The following CFAP44 variants were observed in gnomAD, a reference collection of about 807,000 sequenced individuals.
CFAP44 encodes cilia and flagella associated protein 44, also known as cilia- and flagella-associated protein 44.
CFAP44 carries 134 observed loss-of-function variants against 216.2 expected under a neutral mutation model. The ratio of observed to expected loss-of-function variants is 0.62; its 90% CI spans 0.54 to 0.72. The LOEUF (loss-of-function observed/expected upper bound fraction) is 0.72, where lower values mean the gene tolerates loss of function less well. Among genes scored for constraint, CFAP44 ranks in the 30% least tolerant of loss-of-function variants. CFAP44 has a pLI of 0.00. For synonymous variants in CFAP44, 700 were observed against 727.6 expected, an observed-to-expected ratio of 0.96 and a Z score of 0.61; for missense variants, 2,035 against 2,182.1, an observed-to-expected ratio of 0.93 and a Z score of 1.34.
Position 113,401,749 on chromosome 3 carries a change from TGAAAA to T in CFAP44, c.1171-15_1171-11del, listed in dbSNP as rs750160528. 1.1e-5 allele frequency: 17 copies of T among 1,590,660 alleles called. No homozygotes were observed. The highest frequency in any genetic ancestry group is 1.7e-4 in the Middle Eastern group (1 of 5,932). On this transcript the variant is annotated splice_polypyrimidine_tract_variant and intron_variant, in intron 9 of 34. Coordinates refer to ENST00000393845, the MANE Select transcript of CFAP44 (RefSeq NM_001164496.2). ...TCTCAAAATCCCATATCTTGTAAAATGAAAAGAAAATACTTTAATCGATCAGTAGT... is the reference window on the plus strand; with the variant it reads ...TCTCAAAATCCCATATCTTGTAAAATGAAAATACTTTAATCGATCAGTAGT...
intron 22 of CFAP44, among the ~76,000 whole-genome samples, chr3:113,350,583 T>C (rs1334376164): frequency 1.3e-5 from 2 of 152,228 alleles, no homozygotes; most frequent in Non-Finnish European, 2.9e-5. Context: ...TACCACCTTG[T>C]TGTCAGTGTA....
chr3:113,343,064 T>C (rs1391971403), intron 23 of CFAP44, among the ~76,000 whole-genome samples: 6 of 144,360 alleles, frequency 4.2e-5, no homozygotes, highest in East Asian at 2.0e-4. Flanking sequence ...TCTTTCTTTT[T>C]TTTTTTTTTT....
chr3:113,365,786 T>C (rs558923356), intron 19 of CFAP44, among the ~76,000 whole-genome samples: 2 of 152,226 alleles, frequency 1.3e-5, no homozygotes, highest in East Asian at 3.9e-4. Flanking sequence ...ATACAAACTT[T>C]TAACTACATA....
intron 28 of CFAP44, among the ~76,000 whole-genome samples, chr3:113,312,076 T>G (rs1198158599): frequency 7.7e-4 from 109 of 141,874 alleles, no homozygotes; most frequent in African/African-American, 2.2e-3. Flanking sequence ...TGTGTGTGTT[T>G]TTTTTTTTTT....
At chr3:113,318,799 C>T (rs896455142) in intron 28 of CFAP44, among the ~76,000 whole-genome samples, 13 of 151,876 alleles carry the variant, frequency 8.6e-5, no homozygotes, top group Admixed American at 2.0e-4. Context: ...AAAATAAATT[C>T]GAACCAAGAA....
chr3:113,439,039 G>A (rs1229745261), intron 1 of CFAP44, among the ~76,000 whole-genome samples: 1 of 152,146 alleles, frequency 6.6e-6, no homozygotes, highest in Non-Finnish European at 1.5e-5. Flanking sequence ...ATTCCTTTAA[G>A]GCAGTCGAAG....
chr3:113,401,868 A>G (rs1035275074), intron 9 of CFAP44, 129 bp from the exon 10 acceptor site: 3 of 1,023,310 alleles, frequency 2.9e-6, no homozygotes, highest in African/African-American at 3.3e-5. Context: ...AACAATGAAC[A>G]AGTGTGATAA....
intron 24 of CFAP44, among the ~76,000 whole-genome samples, chr3:113,339,978 T>A (rs193200248): frequency 5.5e-4 from 84 of 152,330 alleles, no homozygotes; most frequent in African/African-American, 1.9e-3. Flanking sequence ...TAGATTGAAT[T>A]CCTTGGCCAG....
chr3:113,358,986 A>C, intron 21 of CFAP44, 111 bp from the exon 22 acceptor site: 9 of 1,279,286 alleles, frequency 7.0e-6, no homozygotes, highest in Non-Finnish European at 8.3e-6. Context: ...CCCAAATATC[A>C]TAAACTCTGT....
intron 28 of CFAP44, among the ~76,000 whole-genome samples, chr3:113,313,475 CTT>C: frequency 6.6e-6 from 1 of 152,104 alleles, no homozygotes; most frequent in South Asian, 2.1e-4. Flanking sequence ...TGAGTTAAGA[CTT>C]TGAGGGACTG....
At chr3:113,352,225 G>A (rs147475903) in intron 22 of CFAP44, among the ~76,000 whole-genome samples, 4,391 of 152,176 alleles carry the variant, frequency 0.029, 109 homozygotes, top group East Asian at 0.1. Context: ...ACCAATCAGC[G>A]CTCTGTAAAA....
chr3:113,359,839 G>T (rs1248659861), intron 21 of CFAP44, among the ~76,000 whole-genome samples: 1 of 151,998 alleles, frequency 6.6e-6, no homozygotes, highest in Non-Finnish European at 1.5e-5. Context: ...AAGAAAAAAA[G>T]GTAGAATACA....
chr3:113,358,353 A>T (rs1950510100), intron 22 of CFAP44, among the ~76,000 whole-genome samples: 1 of 152,052 alleles, frequency 6.6e-6, no homozygotes, highest in African/African-American at 2.4e-5. Context: ...CTGGAAGTCA[A>T]ATTGGTGCAT....
chr3:113,382,615 T>C (rs1300956827), intron 15 of CFAP44, among the ~76,000 whole-genome samples: 3 of 152,118 alleles, frequency 2.0e-5, no homozygotes, highest in Non-Finnish European at 4.4e-5. Context: ...TATGATTAAA[T>C]TTCTATGACA....
intron 15 of CFAP44, among the ~76,000 whole-genome samples, chr3:113,390,135 A>G (rs1933756020): frequency 6.6e-6 from 1 of 152,194 alleles, no homozygotes; most frequent in Non-Finnish European, 1.5e-5. Context: ...ACACATTAAA[A>G]AGATCATTCA....
chr3:113,314,721 A>T (rs1473596169), intron 28 of CFAP44, among the ~76,000 whole-genome samples: 4 of 152,172 alleles, frequency 2.6e-5, no homozygotes, highest in African/African-American at 9.6e-5. Flanking sequence ...TATGGAGAGG[A>T]AATATTTATA....
intron 7 of CFAP44, 43 bp downstream of exon 7, chr3:113,409,063 T>C (rs764753484): frequency 1.1e-6 from 1 of 906,746 alleles, no homozygotes; most frequent in South Asian, 1.5e-5. Context: ...AGAAAAATAC[T>C]CCTGTGATAT....
At chr3:113,320,475 T>TCATATATATC (rs1257336256) in intron 28 of CFAP44, among the ~76,000 whole-genome samples, 1 of 87,636 alleles carries the variant, frequency 1.1e-5, no homozygotes, top group Non-Finnish European at 2.3e-5. Context: ...TCATATATGA[T>TCATATATATC]ATATATGATA....
chr3:113,371,446 C>A (rs1933160641), intron 18 of CFAP44, among the ~76,000 whole-genome samples: 1 of 152,172 alleles, frequency 6.6e-6, no homozygotes, highest in African/African-American at 2.4e-5. Flanking sequence ...AACATCTGAT[C>A]TTTGACAAAC....
Sources: gnomAD v4.1 joint callset for allele counts (sites outside exome capture counted in the v4.1 genomes callset) on GRCh38, gnomAD v4.1.1 for gene constraint, MANE v1.5 for transcripts, NCBI Gene and HGNC (gene_info 2026-07-23, HGNC 2026-07-21) for gene names.